The following SYTL3 variants were observed in gnomAD, a reference collection of about 807,000 sequenced individuals.
SYTL3 encodes the protein synaptotagmin like 3.
Under a neutral mutation model 82.1 loss-of-function variants are expected in SYTL3, and 88 were observed. The observed-to-expected ratio is 1.07, with a 90% CI of 0.90 to 1.28. SYTL3 has a LOEUF of 1.28. SYTL3 is among the 50% of genes most tolerant of loss of function. SYTL3 has a pLI of 0.00. For missense variants in SYTL3, 831 were observed against 757.6 expected (o/e 1.10, Z -1.14); for synonymous variants, 311 against 289.4 (o/e 1.07, Z -0.76).
intron 8 of SYTL3, among the ~76,000 whole-genome samples, chr6:158,711,283 G>A (rs1782740381): frequency 6.6e-6 from 1 of 152,176 alleles, no homozygotes; most frequent in Non-Finnish European, 1.5e-5. Flanking sequence ...CTGTTGTGTT[G>A]TGAGGAATAC....
intron 12 of SYTL3, among the ~76,000 whole-genome samples, chr6:158,747,892 G>T (rs1427397189): frequency 1.3e-5 from 2 of 151,982 alleles, no homozygotes; most frequent in Non-Finnish European, 1.5e-5. Flanking sequence ...TATATGTATT[G>T]TACGTATTTT....
chr6:158,723,656 T>C (rs1262937110), intron 10 of SYTL3, among the ~76,000 whole-genome samples: 2 of 152,238 alleles, frequency 1.3e-5, no homozygotes, highest in East Asian at 3.9e-4. Context: ...TTTCTTCTAG[T>C]AAAACTCAAC....
rs539323994 is a variant in SYTL3 at position 158,764,749 on chromosome 6, C to T, written c.*145C>T. The T allele has an allele frequency of 2.6e-4, 156 of 595,456 alleles. No individual in the cohort carries two copies. The highest frequency in any genetic ancestry group is 1.2e-3 in the East Asian group (44 of 36,286). The allele number at this position is 595,456 out of a possible 1,614,324, so 36.9% of individuals were successfully genotyped here. A position where few individuals can be genotyped will look rare whatever the true frequency, so the allele number is the denominator to read the frequency against. Reference sequence around the variant, plus strand: ...CTGCGGCCCTGTCCCATGGCTTAACCGCCTATTGGTATCTGTGTATATTTA... The same window carrying T: ...CTGCGGCCCTGTCCCATGGCTTAACTGCCTATTGGTATCTGTGTATATTTA... On this transcript the variant is annotated 3_prime_UTR_variant, in exon 18 of 18. Transcript: ENST00000611299.
In SYTL3 at chr6:158,763,442, A is replaced by C; in HGVS notation, c.1656A>C (p.Leu552Phe). 6.2e-7 allele frequency: 1 copy of C among 1,614,232 alleles called. No homozygotes were observed. The highest frequency in any genetic ancestry group is 8.5e-7 in the Non-Finnish European group (1 of 1,180,026). The change falls in exon 17 of 18, where the codon TTA becomes TTC. Residue 552 changes from leucine (L) to phenylalanine (F), a missense_variant. By Grantham distance (22) the Leu-to-Phe change is conservative. Coordinates refer to ENST00000611299, the MANE Select transcript of SYTL3 (RefSeq NM_001242394.2). ...AGCTGAGGCAGTCAAGCTTGGAGTT[A>C]ACTGTCTGGGATCAGGCCCTCTTTG... The part of the protein sequence containing the change: ...PAQLRQSSLE[L>F]TVWDQALFGM...
chr6:158,717,896 ACTGT>A (rs1451869192), intron 9 of SYTL3, among the ~76,000 whole-genome samples, 187 bp from the exon 10 acceptor site: 5 of 152,148 alleles, frequency 3.3e-5, no homozygotes, highest in Non-Finnish European at 5.9e-5. Context: ...GACCCAGCAC[ACTGT>A]CTGCTCACCT....
At chr6:158,763,969 G>C (rs1790381523) in intron 17 of SYTL3, among the ~76,000 whole-genome samples, 1 of 151,854 alleles carries the variant, frequency 6.6e-6, no homozygotes, top group Non-Finnish European at 1.5e-5. Flanking sequence ...ACTGCTTCTG[G>C]CTGCCAGCAG....
chr6:158,757,226 G>T lies in SYTL3; in HGVS notation c.1153G>T (p.Ala385Ser). 6.2e-7 allele frequency: 1 copy of T among 1,610,534 alleles called. No individual in the cohort carries two copies. Residue 385 changes from alanine (A) to serine (S), a missense_variant, in exon 14 of 18, where the codon GCC (alanine) becomes TCC (serine). Coordinates refer to ENST00000611299, the MANE Select transcript of SYTL3 (RefSeq NM_001242394.2). ...GCCTCTGCAGTATCAGGTGGCCCCT[G>T]CCCAGCTGGTGACCCGGCAGCTGCA... ...QETLKYQVAP[A>S]QLVTRQLQVS...
At chr6:158,728,958 CAGGAGGATGGAGT>C (rs1270148872) in intron 11 of SYTL3, among the ~76,000 whole-genome samples, 2 of 152,116 alleles carry the variant, frequency 1.3e-5, no homozygotes, top group Non-Finnish European at 2.9e-5. Flanking sequence ...GAGGCTGAGG[CAGGAGGATGGAGT>C]GAACCTGGGA....
chr6:158,757,918 C>T (rs750790018), intron 14 of SYTL3, among the ~76,000 whole-genome samples: 5 of 152,050 alleles, frequency 3.3e-5, no homozygotes, highest in Non-Finnish European at 5.9e-5. Flanking sequence ...AATTGCACGG[C>T]GGGAGATAGA....
At chr6:158,688,715 T>C (rs1036717272) in intron 6 of SYTL3, among the ~76,000 whole-genome samples, 8 of 152,204 alleles carry the variant, frequency 5.3e-5, no homozygotes, top group African/African-American at 1.9e-4. Flanking sequence ...TTAGTATATA[T>C]TATTTCTGTT....
At chr6:158,761,766 C>T (rs867668419) in intron 15 of SYTL3, among the ~76,000 whole-genome samples, 48 of 152,226 alleles carry the variant, frequency 3.2e-4, no homozygotes, top group African/African-American at 1.1e-3. Flanking sequence ...CACTTTCCCC[C>T]AAACTTCTGG....
At chr6:158,734,094 C>CAAAAAAAAA (rs560547617) in intron 11 of SYTL3, among the ~76,000 whole-genome samples, 2 of 74,526 alleles carry the variant, frequency 2.7e-5, no homozygotes, top group African/African-American at 1.1e-4. Flanking sequence ...GACCCTGTCT[C>CAAAAAAAAA]AAAAAAAAAA....
chr6:158,761,551 G>A (rs577283522), intron 15 of SYTL3, among the ~76,000 whole-genome samples: 28 of 151,860 alleles, frequency 1.8e-4, no homozygotes, highest in East Asian at 9.7e-4. Flanking sequence ...CTCATGATCC[G>A]CCCACCTTGG....
chr6:158,690,081 G>A (rs765714487), intron 6 of SYTL3, among the ~76,000 whole-genome samples: 13 of 152,158 alleles, frequency 8.5e-5, no homozygotes, highest in Admixed American at 1.3e-4. Flanking sequence ...TTGGCACAGC[G>A]TGGGGCACCA....
chr6:158,696,227 G>A (rs1312517501), intron 6 of SYTL3, among the ~76,000 whole-genome samples: 1 of 151,856 alleles, frequency 6.6e-6, no homozygotes, highest in African/African-American at 2.4e-5. Context: ...TTGAGATGGA[G>A]TCTCACTCTG....
chr6:158,745,558 T>A lies in SYTL3; in HGVS notation c.934T>A (p.Phe312Ile). 6.2e-7 allele frequency: 1 copy of A among 1,613,902 alleles called. No individual in the cohort carries two copies. The highest frequency in any genetic ancestry group is 8.5e-7 in the Non-Finnish European group (1 of 1,179,946). Residue 312 changes from phenylalanine to isoleucine, a missense_variant, in exon 12 of 18, where the codon TTT becomes ATT. Transcript: ENST00000611299. ...DNANVTGEIEFAIHYCFKTHS... is the reference protein window; with the variant it reads ...DNANVTGEIEIAIHYCFKTHS... ...TGCTAATGTCACTGGAGAAATAGAA[T>A]TTGCCATTCATTATTGCTTCAAAAC...
intron 11 of SYTL3, among the ~76,000 whole-genome samples, chr6:158,730,704 A>G (rs1252909120): frequency 1.3e-5 from 2 of 151,764 alleles, no homozygotes; most frequent in African/African-American, 4.9e-5. Flanking sequence ...TGCATAAGAC[A>G]AGGAAGGAAA....
chr6:158,754,814 G>A (rs963131973), intron 13 of SYTL3, among the ~76,000 whole-genome samples: 5 of 152,246 alleles, frequency 3.3e-5, no homozygotes. Flanking sequence ...AAGGACCCAG[G>A]AGAAGTGGCT....
rs190630943 is a variant in SYTL3, at chr6:158,670,550, G to A, written c.329+4937G>A. The stretch of plus-strand genomic sequence containing the variant: ...TAATCCCAGCACTTTGGGAGGCTGA[G>A]GCGGGTGGATCACTTGACGTCAGGA... On this transcript the variant is annotated intron_variant, in intron 5 of 17. Transcript: ENST00000611299. Among the ~76,000 whole-genome samples, 276 of 152,244 alleles carry A rather than the reference G, an allele frequency of 1.8e-3. 2 individuals carry two copies. The highest frequency in any genetic ancestry group is 6.2e-3 in the African/African-American group (258 of 41,552).
Sources: gnomAD v4.1 joint callset for allele counts (sites outside exome capture counted in the v4.1 genomes callset) on GRCh38, gnomAD v4.1.1 for gene constraint, MANE v1.5 for transcripts, NCBI Gene and HGNC (gene_info 2026-07-23, HGNC 2026-07-21) for gene names.